The following FANCA variants were observed in gnomAD, a reference collection of about 807,000 sequenced individuals.
FANCA encodes the protein FA complementation group A, also known as Fanconi anemia group A protein.
Under a neutral mutation model 194.3 loss-of-function variants are expected in FANCA, and 236 were observed. The observed-to-expected ratio is 1.21, with a 90% confidence interval of 1.09 to 1.35. FANCA has a LOEUF of 1.35. Ranked by LOEUF, FANCA falls within the 40% of genes most tolerant of loss-of-function variation. The pLI is 0.00. For missense variants in FANCA, 2,628 were observed against 1,813.9 expected (o/e 1.45, Z -8.15); for synonymous variants, 1,014 against 715.8 (o/e 1.42, Z -6.65).
rs150197645 is a variant in FANCA at position 89,799,263 on chromosome 16, T to C, written c.827-31A>G. Reference sequence around the variant, plus strand: ...GACAGAGCCAGGAACAGAAAACAGATGTCAGCACACGGCGGCAGCCCACCA... The same window carrying C: ...GACAGAGCCAGGAACAGAAAACAGACGTCAGCACACGGCGGCAGCCCACCA... On this transcript the variant is annotated intron_variant, in intron 9 of 42. Transcript: ENST00000389301. 5.2e-4 allele frequency: 839 copies of C among 1,613,176 alleles called. 6 individuals are homozygous for C. In the African/African-American group the frequency reaches 0.01, roughly 20 times the overall value.
chr16:89,794,309 T>C (rs2040171537), intron 11 of FANCA, among the ~76,000 whole-genome samples: 1 of 152,102 alleles, frequency 6.6e-6, no homozygotes, highest in South Asian at 2.1e-4. Flanking sequence ...CCCACCACTT[T>C]GGGAGGCCGA....
At chr16:89,762,850 C>G (rs2038997857) in intron 28 of FANCA, 1 of 401,446 alleles carries the variant, frequency 2.5e-6, no homozygotes, top group Admixed American at 2.6e-5. Context: ...TGCCTGTAAT[C>G]CCAGCACTTT....
chr16:89,754,670 G>A (rs1280122518), intron 30 of FANCA, among the ~76,000 whole-genome samples: 2 of 152,004 alleles, frequency 1.3e-5, no homozygotes, highest in African/African-American at 4.8e-5. Flanking sequence ...TGCCTGGCCA[G>A]ACACGATCTT....
In FANCA at chr16:89,782,719, C is replaced by T. The variant is rs2039761953; in HGVS notation, c.1626+140G>A. The T allele has an allele frequency of 6.5e-5, 48 of 737,070 alleles. No individual in the cohort carries two copies. The South Asian group carries it at 7.1e-4, about 11-fold the overall frequency. The allele number at this position is 737,070 out of a possible 1,614,324, so 45.7% of individuals were successfully genotyped here. ...ACAGCAACACAGAGGCCCGCAGAGCCTCGCCCCCAGCTGCGCCCGAGGCAA... is the reference window on the plus strand; with the variant it reads ...ACAGCAACACAGAGGCCCGCAGAGCTTCGCCCCCAGCTGCGCCCGAGGCAA... On this transcript the variant is annotated intron_variant, in intron 17 of 42. Coordinates refer to ENST00000389301, the MANE Select transcript of FANCA (RefSeq NM_000135.4).
intron 29 of FANCA, 61 bp from the exon 30 acceptor site, chr16:89,758,766 A>T: frequency 6.2e-7 from 1 of 1,603,002 alleles, no homozygotes; most frequent in South Asian, 1.1e-5. Context: ...GGTTCCCCAT[A>T]ACCAGGGAAT....
chr16:89,811,793 C>T (rs1226718190), intron 3 of FANCA, among the ~76,000 whole-genome samples: 1 of 152,086 alleles, frequency 6.6e-6, no homozygotes, highest in Non-Finnish European at 1.5e-5. Context: ...TGCAACGGCG[C>T]CATCTCAGCT....
At chr16:89,773,892 C>G (rs574653521) in intron 21 of FANCA, among the ~76,000 whole-genome samples, 1 of 151,756 alleles carries the variant, frequency 6.6e-6, no homozygotes, top group African/African-American at 2.4e-5. Context: ...GCCTCAGCCT[C>G]CCGAGTAGCT....
At chr16:89,743,831 A>C (rs112143740) in intron 36 of FANCA, among the ~76,000 whole-genome samples, 5 of 152,208 alleles carry the variant, frequency 3.3e-5, no homozygotes, top group African/African-American at 1.2e-4. Context: ...CTCAAACAAA[A>C]CAAAACAAAA....
At position 89,805,261 on chromosome 16, in the gene FANCA, C is replaced by T. The variant is rs1444331904; in HGVS notation, c.709+19G>A. 4 of 1,592,002 alleles carry T rather than the reference C, an allele frequency of 2.5e-6. No individual in the cohort carries two copies. Among genetic ancestry groups the T allele is most frequent in the South Asian group, 1.1e-5 (1 of 90,518 alleles). Reference sequence around the variant, plus strand: ...AAAATGAGTTTTACCCAAGAACCCGCATCTTGTCATGAACGCACCAGAAAG... The same window carrying T: ...AAAATGAGTTTTACCCAAGAACCCGTATCTTGTCATGAACGCACCAGAAAG... On this transcript the variant is annotated intron_variant, in intron 7 of 42. Transcript: ENST00000389301.
chr16:89,784,820 C>T (rs1472001528), intron 15 of FANCA, 34 bp downstream of exon 15: 1 of 1,529,746 alleles, frequency 6.5e-7, no homozygotes, highest in Admixed American at 1.7e-5. Context: ...GAGCGAAGCA[C>T]CAGAAATCAT....
chr16:89,791,586 G>A, intron 13 of FANCA, 50 bp from the exon 14 acceptor site: 1 of 1,610,624 alleles, frequency 6.2e-7, no homozygotes, highest in East Asian at 2.2e-5. Flanking sequence ...CAGCCAGCAG[G>A]AACATGACGT....
chr16:89,742,752 A>C (rs765566206), intron 37 of FANCA, 48 bp downstream of exon 37: 8 of 1,610,454 alleles, frequency 5.0e-6, no homozygotes, highest in Non-Finnish European at 6.8e-6. Flanking sequence ...CACTGATTGA[A>C]ACCAAGCTTG....
At position 89,740,549 on chromosome 16, in the gene FANCA, T is replaced by C. The variant is rs948141724; in HGVS notation, c.3828+255A>G. 5.6e-5 allele frequency: 30 copies of C among 531,446 alleles called. 1 individual carries two copies. The highest frequency in any genetic ancestry group is 2.1e-4 in the Admixed American group (6 of 29,196). 32.9% of individuals were successfully genotyped at this position (531,446 alleles called of 1,614,324 possible). On this transcript the variant is annotated intron_variant, in intron 38 of 42. Coordinates refer to ENST00000389301, the MANE Select transcript of FANCA (RefSeq NM_000135.4). ...TACTCGGGAGGCTGATGCAGGAGAA[T>C]TGCTTGAACCCAGGAGGCTGAGGTT...
rs2143477008 is a variant in FANCA, at chr16:89,784,932, G to A, written c.1392C>T (p.Gly464=). Residue 464 remains glycine (G), a synonymous_variant, in exon 15 of 43, where the codon GGC becomes GGT. Transcript: ENST00000389301. ...ASFGSTRGYH[G]CSKKALVFLF... ...GGAAGACCAGGGCCTTCTTGCTGCA[G>A]CCATGGTAGCCTCGTGTGCTCCCAA... 3 of 1,614,132 alleles carry A rather than the reference G, an allele frequency of 1.9e-6. No homozygotes were observed. The highest frequency in any genetic ancestry group is 2.5e-6 in the Non-Finnish European group (3 of 1,180,010).
In FANCA at chr16:89,755,926, A is replaced by C. The variant is rs896712595; in HGVS notation, c.2981+2651T>G. On this transcript the variant is annotated intron_variant, in intron 30 of 42. Transcript: ENST00000389301. ...CCACACGGCACGGCCCACCGCGCAG[A>C]AACAGACCAGAGCCCCCGCACACCT... Among the ~76,000 whole-genome samples, 4 of 151,586 alleles carry C rather than the reference A, an allele frequency of 2.6e-5. No individual in the cohort carries two copies. In the South Asian group the frequency reaches 8.4e-4, roughly 32 times the overall value.
intron 27 of FANCA, among the ~76,000 whole-genome samples, chr16:89,765,733 C>T (rs533957464): frequency 1.3e-5 from 2 of 152,368 alleles, no homozygotes; most frequent in African/African-American, 4.8e-5. Context: ...CCAGCCTGCT[C>T]CAAGGACTGT....
At chr16:89,778,483 A>C (rs2039589763) in intron 20 of FANCA, 3 of 331,694 alleles carry the variant, frequency 9.0e-6, no homozygotes, top group Non-Finnish European at 1.7e-5. Flanking sequence ...AAAAAAAAAA[A>C]AACTTAGCCA....
intron 30 of FANCA, among the ~76,000 whole-genome samples, chr16:89,753,063 G>A (rs1407089406): frequency 1.3e-5 from 2 of 152,200 alleles, no homozygotes; most frequent in Admixed American, 6.5e-5. Flanking sequence ...ACCTGGCTCT[G>A]CCTTCCAGAT....
At chr16:89,800,216 G>T (rs2040397128) in intron 8 of FANCA, among the ~76,000 whole-genome samples, 1 of 152,222 alleles carries the variant, frequency 6.6e-6, no homozygotes, top group Non-Finnish European at 1.5e-5. Context: ...GTGAAGAGAG[G>T]AAAGCTCAGG....
Sources: allele counts gnomAD v4.1 joint callset (sites outside exome capture counted in the v4.1 genomes callset), GRCh38; gene constraint gnomAD v4.1.1; transcripts MANE v1.5; gene names NCBI Gene and HGNC (gene_info 2026-07-23, HGNC 2026-07-21).